Variants in FNBP4 observed in about 807,000 individuals in gnomAD.
FNBP4 encodes the protein formin-binding protein 4.
A neutral mutation model predicts 119.3 loss-of-function variants in FNBP4; 34 were observed. The ratio of observed to expected loss-of-function variants is 0.28; its 90% CI spans 0.22 to 0.38. The LOEUF (loss-of-function observed/expected upper bound fraction) is 0.38, where lower values mean the gene tolerates loss of function less well. FNBP4 is among the 10% of genes least tolerant of loss of function. The pLI, the probability that FNBP4 is intolerant of heterozygous loss-of-function variation, is 1.00. For missense variants in FNBP4, 1,112 were observed against 1,228.9 expected (o/e 0.90, Z 1.42); for synonymous variants, 462 against 430.6 (o/e 1.07, Z -0.90).
At chr11:47,764,337 C>T (rs1038241820) in intron 2 of FNBP4, among the ~76,000 whole-genome samples, 2 of 152,176 alleles carry the variant, frequency 1.3e-5, no homozygotes, top group African/African-American at 4.8e-5. Flanking sequence ...CTGCCTCAGA[C>T]TACCAAAGTG....
At chr11:47,766,241 G>C (rs2097647529) in intron 1 of FNBP4, among the ~76,000 whole-genome samples, 1 of 152,070 alleles carries the variant, frequency 6.6e-6, no homozygotes, top group South Asian at 2.1e-4. Context: ...TTGAACCCGG[G>C]AGGTGGAGGT....
At chr11:47,765,144 C>T (rs2097644117) in intron 2 of FNBP4, 126 bp downstream of exon 2, 1 of 641,180 alleles carries the variant, frequency 1.6e-6, no homozygotes, top group Non-Finnish European at 2.7e-6. Context: ...AATCTTAAAT[C>T]ATATTTTTGG....
At chr11:47,756,371 CAG>C (rs758703572) in intron 2 of FNBP4, among the ~76,000 whole-genome samples, 21 of 152,150 alleles carry the variant, frequency 1.4e-4, no homozygotes, top group Non-Finnish European at 2.4e-4. Flanking sequence ...GGTAAATGAA[CAG>C]ATTTATCGAA....
rs79199646 is a variant in FNBP4 at position 47,734,000 on chromosome 11, CAAAAAA to C, written c.1686+19_1686+24del. The C allele has an allele frequency of 9.3e-5, 83 of 890,970 alleles. No homozygotes were observed. Among genetic ancestry groups the C allele is most frequent in the South Asian group, 1.2e-4 (6 of 48,744 alleles). 55.2% of individuals were successfully genotyped at this position (890,970 alleles called of 1,614,324 possible). ...CATTCAAACACTTAACTGTTTATGC[CAAAAAA>C]AAAAAAAAAAAGACTTACCTCAGTC... On this transcript the variant is annotated intron_variant, in intron 10 of 16. Coordinates refer to ENST00000263773, the MANE Select transcript of FNBP4 (RefSeq NM_015308.5).
chr11:47,738,576 A>G (rs1211234889), intron 8 of FNBP4, among the ~76,000 whole-genome samples: 1 of 152,194 alleles, frequency 6.6e-6, no homozygotes, highest in African/African-American at 2.4e-5. Flanking sequence ...AAAAATCATC[A>G]TAATTTTTTA....
chr11:47,751,492 C>G (rs1032743343), intron 4 of FNBP4, among the ~76,000 whole-genome samples: 2 of 151,898 alleles, frequency 1.3e-5, no homozygotes, highest in African/African-American at 4.8e-5. Flanking sequence ...AGTAGCACTC[C>G]CATCCACCCT....
intron 8 of FNBP4, among the ~76,000 whole-genome samples, chr11:47,739,923 C>A (rs971783858): frequency 3.3e-5 from 5 of 151,254 alleles, no homozygotes; most frequent in African/African-American, 4.9e-5. Context: ...GGATTACAGG[C>A]ATGCGCCACC....
chr11:47,759,170 T>C (rs1344078719), intron 2 of FNBP4, among the ~76,000 whole-genome samples: 1 of 151,742 alleles, frequency 6.6e-6, no homozygotes, highest in African/African-American at 2.4e-5. Context: ...TCTGCCCTTT[T>C]TGGCCTCCCA....
Position 47,749,391 on chromosome 11 carries a change from G to A in FNBP4, c.906+1525C>T, listed in dbSNP as rs148441560. ...CAGCTTGACCAACTGGTGAAACCTC[G>A]TCTCTACTAAAAAAAAATAGAAAAA... On this transcript the variant is annotated intron_variant, in intron 6 of 16. Coordinates refer to ENST00000263773, the MANE Select transcript of FNBP4 (RefSeq NM_015308.5). 5.5e-3 allele frequency among the ~76,000 whole-genome samples: 839 copies of A among 152,012 alleles called. 10 individuals carry two copies. The highest frequency in any genetic ancestry group is 0.018 in the African/African-American group (739 of 41,458).
rs892453206 is a variant in FNBP4, at chr11:47,732,330, G to A, written c.1820+207C>T. ...TTGTCCATATCTTGGGAAAAAATCC[G>A]TTACATGGAACACTTTAAACATTGC... is the stretch of plus-strand genomic sequence containing the variant. On this transcript the variant is annotated intron_variant, in intron 11 of 16. Coordinates refer to ENST00000263773, the MANE Select transcript of FNBP4 (RefSeq NM_015308.5). This position sits in a 1 kb window ranked among gnomAD's most constrained non-coding sequence, Gnocchi z 4.2. The A allele has an allele frequency of 4.2e-5, 61 of 1,439,182 alleles. No homozygotes were observed. Among genetic ancestry groups the A allele is most frequent in the Non-Finnish European group, 5.4e-5 (59 of 1,098,878 alleles). 89.2% of individuals were successfully genotyped at this position (1,439,182 alleles called of 1,614,324 possible).
Position 47,731,465 on chromosome 11 carries a change from T to C in FNBP4, c.1917A>G (p.Gln639=), listed in dbSNP as rs185494696. ...TGGCAAGAGTCTCATCTCTATTTTC[T>C]TGTGCTTGGCTTTCTTCTTCTTCCT... is the stretch of plus-strand genomic sequence containing the variant. ...GEEEEEESQA[Q]ENRDETLAKQ... The change falls in exon 12 of 17, where the codon CAA becomes CAG. Residue 639 remains glutamine, a synonymous_variant. Coordinates refer to ENST00000263773, the MANE Select transcript of FNBP4 (RefSeq NM_015308.5). The C allele has an allele frequency of 1.4e-5, 22 of 1,614,160 alleles. No individual in the cohort carries two copies. The Admixed American group carries it at 2.7e-4, about 20-fold the overall frequency.
In FNBP4 at chr11:47,751,299, T is replaced by C. The variant is rs2097603205; in HGVS notation, c.638-9A>G. ...GCCCATCTCAATTCCGACTAGAAGA[T>C]AAAACAAATTTTAAGCACAAATCCC... On this transcript the variant is annotated splice_polypyrimidine_tract_variant and intron_variant, in intron 4 of 16. Coordinates refer to ENST00000263773, the MANE Select transcript of FNBP4 (RefSeq NM_015308.5). 6.2e-7 allele frequency: 1 copy of C among 1,613,824 alleles called. No individual in the cohort carries two copies. Among genetic ancestry groups the C allele is most frequent in the South Asian group, 1.1e-5 (1 of 91,064 alleles).
chr11:47,736,004 G>T (rs1436127917), intron 9 of FNBP4, among the ~76,000 whole-genome samples: 4 of 152,028 alleles, frequency 2.6e-5, no homozygotes, highest in Admixed American at 6.6e-5. Context: ...TGTGAACCCA[G>T]GAGGCGGAGC....
chr11:47,750,153 T>C (rs1480916843), intron 6 of FNBP4, among the ~76,000 whole-genome samples: 1 of 151,160 alleles, frequency 6.6e-6, no homozygotes, highest in Non-Finnish European at 1.5e-5. Flanking sequence ...CTGAGGCAGG[T>C]AGATCACCTG....
At chr11:47,748,445 C>T (rs2097595268) in intron 6 of FNBP4, among the ~76,000 whole-genome samples, 4 of 151,480 alleles carry the variant, frequency 2.6e-5, no homozygotes, top group Admixed American at 2.6e-4. Context: ...AACACACTGG[C>T]ACAATGATAA....
Position 47,719,944 on chromosome 11 carries a change from T to C in FNBP4, c.2948A>G (p.Gln983Arg). 1 of 1,613,914 alleles carries C rather than the reference T, an allele frequency of 6.2e-7. No homozygotes were observed. Among genetic ancestry groups the C allele is most frequent in the African/African-American group, 1.3e-5 (1 of 75,048 alleles). The change falls in exon 16 of 17, where the codon CAG becomes CGG. Residue 983 changes from glutamine to arginine, a missense_variant. This residue lies in a region of FNBP4 where 826 missense variants were observed against 988.8 expected (regional missense o/e 0.84). Coordinates refer to ENST00000263773, the MANE Select transcript of FNBP4 (RefSeq NM_015308.5). ...TTTCTTTTACCTAACCAGCTGCTGC[T>C]GTTTCCACTCTTCAATTCGCTTCTG... ...TAQKRIEEWK[Q>R]QQLVSGMAER...
At chr11:47,718,253 G>T (rs886267324) in intron 16 of FNBP4, among the ~76,000 whole-genome samples, 1 of 151,426 alleles carries the variant, frequency 6.6e-6, no homozygotes, top group Non-Finnish European at 1.5e-5. Flanking sequence ...TTGCTCTGTT[G>T]CCCAGACTGG....
intron 15 of FNBP4, among the ~76,000 whole-genome samples, chr11:47,721,137 C>T (rs888592237): frequency 4.7e-4 from 71 of 151,266 alleles, no homozygotes; most frequent in African/African-American, 1.5e-3. Context: ...CTAGCTAACA[C>T]GGTGAAACCC....
At chr11:47,739,627 T>C (rs1245204508) in intron 8 of FNBP4, among the ~76,000 whole-genome samples, 2 of 152,174 alleles carry the variant, frequency 1.3e-5, no homozygotes, top group Non-Finnish European at 2.9e-5. Flanking sequence ...ATGCATATAA[T>C]ATAAAGAATA....
Sources: gnomAD v4.1 joint callset for allele counts (sites outside exome capture counted in the v4.1 genomes callset) on GRCh38, gnomAD v4.1.1 for gene constraint, gnomAD v4.1.1 regional missense constraint, Gnocchi (gnomAD v3.1) non-coding constraint, MANE v1.5 for transcripts, NCBI Gene and HGNC (gene_info 2026-07-23, HGNC 2026-07-21) for gene names.